The following BMPR1A variants were observed in gnomAD, a reference collection of about 807,000 sequenced individuals.
BMPR1A encodes the protein bone morphogenetic protein receptor type 1A.
Under a neutral mutation model 66.0 loss-of-function variants are expected in BMPR1A, and 7 were observed. The observed-to-expected ratio is 0.11, with a 90% CI of 0.06 to 0.20. BMPR1A has a LOEUF of 0.20. Among genes scored for constraint, BMPR1A ranks in the 10% least tolerant of loss-of-function variants. The pLI, the probability that BMPR1A is intolerant of heterozygous loss-of-function variation, is 1.00. For synonymous variants in BMPR1A, 200 were observed against 229.7 expected (o/e 0.87, Z 1.17); for missense variants, 408 against 669.1 (o/e 0.61, Z 4.31).
chr10:86,760,192 T>TTG (rs1564675313), intron 1 of BMPR1A, among the ~76,000 whole-genome samples: 2 of 148,648 alleles, frequency 1.3e-5, no homozygotes, highest in East Asian at 1.9e-4. Context: ...TTACCTGTTT[T>TTG]TTTTTTTTTT....
At chr10:86,912,160 G>T in intron 7 of BMPR1A, 80 bp from the exon 8 acceptor site, 1 of 1,453,136 alleles carries the variant, frequency 6.9e-7, no homozygotes, top group East Asian at 2.3e-5. Flanking sequence ...AAGGATAATG[G>T]TATAGAGAAC....
chr10:86,890,206 C>T lies in BMPR1A; in HGVS notation c.212C>T (p.Ala71Val), dbSNP rs1843128283. ...CYCSGHCPDD[A>V]INNTCITNGH... is the part of the protein sequence containing the mutation. ...TGCTCAGGGCACTGTCCAGATGATG[C>T]TATTAATAACACATGCATGTAAGTA... The change falls in exon 4 of 13, where the codon GCT becomes GTT. Residue 71 changes from alanine (A) to valine (V), a missense_variant. Ala to Val is a moderately conservative substitution (Grantham distance 64). Around this residue, in one of 5 missense-constraint regions of BMPR1A, gnomAD observed 68 missense variants for 83.0 expected, o/e 0.82. Transcript: ENST00000372037. 2 of 1,614,056 alleles carry T rather than the reference C, an allele frequency of 1.2e-6. No homozygotes were observed. The highest frequency in any genetic ancestry group is 2.7e-5 in the African/African-American group (2 of 75,020).
intron 3 of BMPR1A, among the ~76,000 whole-genome samples, chr10:86,885,177 AT>A (rs1449347305): frequency 8.5e-5 from 13 of 152,206 alleles, no homozygotes; most frequent in African/African-American, 3.1e-4. Context: ...GCATTGCTGC[AT>A]TTTGTGCTGC....
intron 1 of BMPR1A, among the ~76,000 whole-genome samples, chr10:86,790,598 A>G (rs1841601164): frequency 6.6e-6 from 1 of 152,190 alleles, no homozygotes; most frequent in Non-Finnish European, 1.5e-5. Flanking sequence ...GCAATGGAAT[A>G]TTACTCACCC....
intron 1 of BMPR1A, among the ~76,000 whole-genome samples, chr10:86,801,718 A>T (rs1841813871): frequency 6.6e-6 from 1 of 150,976 alleles, no homozygotes; most frequent in Non-Finnish European, 1.5e-5. Context: ...AACCTGCCTT[A>T]TTCTTTTTTT....
chr10:86,830,879 T>TCATTCCC (rs1376363864), intron 1 of BMPR1A, among the ~76,000 whole-genome samples: 1 of 152,060 alleles, frequency 6.6e-6, no homozygotes, highest in South Asian at 2.1e-4. Context: ...ATTTTTGGTG[T>TCATTCCC]CATTCCCCAT....
At chr10:86,757,095 A>G (rs888350131) in intron 1 of BMPR1A, among the ~76,000 whole-genome samples, 176 bp downstream of exon 1, 12 of 150,888 alleles carry the variant, frequency 8.0e-5, no homozygotes, top group African/African-American at 2.9e-4. Flanking sequence ...CCGCCCAGCC[A>G]GAGACCCACG....
At chr10:86,830,062 A>G (rs182166705) in intron 1 of BMPR1A, among the ~76,000 whole-genome samples, 1 of 152,234 alleles carries the variant, frequency 6.6e-6, no homozygotes, top group East Asian at 1.9e-4. Flanking sequence ...TGCTGGATGT[A>G]GCATGGGGAA....
intron 1 of BMPR1A, among the ~76,000 whole-genome samples, chr10:86,792,366 ACTG>A (rs1841639935): frequency 6.6e-6 from 1 of 152,134 alleles, no homozygotes; most frequent in Non-Finnish European, 1.5e-5. Context: ...TGCCTGGCCT[ACTG>A]TCAGATCTTT....
intron 8 of BMPR1A, 30 bp downstream of exon 8, chr10:86,912,414 G>A (rs376971349): frequency 5.6e-5 from 91 of 1,612,668 alleles, no homozygotes; most frequent in Non-Finnish European, 7.2e-5. Flanking sequence ...AGACATGAAT[G>A]GTGTGTTGAT....
intron 2 of BMPR1A, among the ~76,000 whole-genome samples, chr10:86,860,495 C>G (rs552157299): frequency 5.3e-5 from 8 of 152,146 alleles, no homozygotes; most frequent in African/African-American, 1.9e-4. Context: ...CGGGGCTGGG[C>G]GCCATGACTC....
chr10:86,853,772 G>A (rs1020957920), intron 2 of BMPR1A, among the ~76,000 whole-genome samples: 5 of 152,194 alleles, frequency 3.3e-5, no homozygotes, highest in African/African-American at 1.2e-4. Flanking sequence ...GCAAATAGGT[G>A]TGGGTCACAG....
chr10:86,836,798 T>C (rs1027628718), intron 1 of BMPR1A, among the ~76,000 whole-genome samples: 1 of 151,952 alleles, frequency 6.6e-6, no homozygotes, highest in Non-Finnish European at 1.5e-5. Flanking sequence ...CTGGGCATGG[T>C]TGTATGTACC....
intron 1 of BMPR1A, among the ~76,000 whole-genome samples, chr10:86,771,891 A>G (rs1050739375): frequency 1.3e-5 from 2 of 151,996 alleles, no homozygotes; most frequent in Non-Finnish European, 2.9e-5. Context: ...TGACCTCCCA[A>G]AGTGCTGGGA....
intron 2 of BMPR1A, among the ~76,000 whole-genome samples, chr10:86,840,941 G>A (rs1842417793): frequency 6.6e-6 from 1 of 152,276 alleles, no homozygotes; most frequent in Middle Eastern, 3.4e-3. Context: ...AAATATTGCA[G>A]GGATCTCCCA....
intron 8 of BMPR1A, 32 bp from the exon 9 acceptor site, chr10:86,917,102 A>G (rs760844532): frequency 1.9e-6 from 3 of 1,610,730 alleles, no homozygotes; most frequent in Non-Finnish European, 2.5e-6. Flanking sequence ...TCTTTCATCA[A>G]GAGCTCAAAC....
At chr10:86,832,814 T>C (rs1414558218) in intron 1 of BMPR1A, among the ~76,000 whole-genome samples, 2 of 152,198 alleles carry the variant, frequency 1.3e-5, no homozygotes, top group Non-Finnish European at 2.9e-5. Context: ...TGCTCAGCAA[T>C]TGATGGATGT....
At chr10:86,813,426 A>G (rs1841995343) in intron 1 of BMPR1A, among the ~76,000 whole-genome samples, 1 of 152,154 alleles carries the variant, frequency 6.6e-6, no homozygotes, top group African/African-American at 2.4e-5. Context: ...TCTAATGCTT[A>G]TTGCTACTGA....
At chr10:86,787,708 C>CTA (rs1422472648) in intron 1 of BMPR1A, among the ~76,000 whole-genome samples, 1 of 152,122 alleles carries the variant, frequency 6.6e-6, no homozygotes, top group African/African-American at 2.4e-5. Flanking sequence ...GTAATGCAGG[C>CTA]TATACAGGAG....
Sources: gnomAD v4.1 joint callset for allele counts (sites outside exome capture counted in the v4.1 genomes callset) on GRCh38, gnomAD v4.1.1 for gene constraint, gnomAD v4.1.1 regional missense constraint, MANE v1.5 for transcripts, NCBI Gene and HGNC (gene_info 2026-07-23, HGNC 2026-07-21) for gene names.